The following SOST variants were observed in gnomAD, a reference collection of about 807,000 sequenced individuals.
The protein encoded by SOST is sclerostin, also known as sclerosteosis.
In SOST, 14 loss-of-function variants were observed where a neutral mutation model predicts 16.7. That is an observed-to-expected ratio of 0.84 (90% CI 0.55 to 1.31). The LOEUF (loss-of-function observed/expected upper bound fraction) is 1.31. Among genes scored for constraint, SOST ranks in the 50% most tolerant of loss-of-function variants. The pLI, the probability that SOST is intolerant of heterozygous loss-of-function variation, is 0.00. For missense variants in SOST, 291 were observed against 310.7 expected, an observed-to-expected ratio of 0.94 and a Z score of 0.48; for synonymous variants, 150 against 140.9, an observed-to-expected ratio of 1.06 and a Z score of -0.46.
intron 1 of SOST, among the ~76,000 whole-genome samples, chr17:43,757,723 C>T (rs1446610285): frequency 6.6e-6 from 1 of 152,118 alleles, no homozygotes; most frequent in African/African-American, 2.4e-5. Flanking sequence ...GGACAGATGT[C>T]CCTACTCCTG....
Position 43,755,922 on chromosome 17 carries a change from C to T in SOST, c.221-159G>A, listed in dbSNP as rs1022850770. On this transcript the variant is annotated intron_variant, in intron 1 of 1. Transcript: ENST00000301691. The surrounding 1 kb of genome is among the most constrained non-coding windows in gnomAD (Gnocchi z 4.3). ...CAGGAAGGTCCCAGATGCTCTAGAG[C>T]TGGTGGAAAGCTCTCCTGCGCACCC... Among the ~76,000 whole-genome samples the T allele has an allele frequency of 1.8e-4, 28 of 152,322 alleles. No homozygotes were observed. Among genetic ancestry groups the T allele is most frequent in the African/African-American group, 5.8e-4 (24 of 41,576 alleles).
Position 43,755,885 on chromosome 17 carries a change from G to T in SOST, c.221-122C>A. On this transcript the variant is annotated intron_variant, in intron 1 of 1. Transcript: ENST00000301691. The surrounding 1 kb of genome is among the most constrained non-coding windows in gnomAD (Gnocchi z 4.3). ...CCTGTCTCCAGAGGCTTTTGCCCCT[G>T]AACATCTATTGCAGGAAGGTCCCAG... is the stretch of plus-strand genomic sequence containing the variant. The T allele has an allele frequency of 8.6e-7, 1 of 1,162,510 alleles. No individual in the cohort carries two copies. Among genetic ancestry groups the T allele is most frequent in the Non-Finnish European group, 1.2e-6 (1 of 834,974 alleles). The allele number at this position is 1,162,510 out of a possible 1,614,324, so 72.0% of individuals were successfully genotyped here.
In SOST at chr17:43,758,750, C is replaced by T. The variant is rs566032455; in HGVS notation, c.-9G>A. ...GCCAGTGGGAGCTGCATGGTACCAGCCAGAGGAGGGCACGCCACCTTCCAG... is the reference window on the plus strand; with the variant it reads ...GCCAGTGGGAGCTGCATGGTACCAGTCAGAGGAGGGCACGCCACCTTCCAG... On this transcript the variant is annotated 5_prime_UTR_variant, in exon 1 of 2. Transcript: ENST00000301691. 2.5e-6 allele frequency: 4 copies of T among 1,610,852 alleles called. No individual in the cohort carries two copies. Among genetic ancestry groups the T allele is most frequent in the African/African-American group, 2.7e-5 (2 of 74,984 alleles).
Position 43,758,717 on chromosome 17 carries a change from G to A in SOST, c.25C>T (p.Leu9Phe), listed in dbSNP as rs769369803. The A allele has an allele frequency of 4.7e-5, 76 of 1,613,584 alleles. No homozygotes were observed. The highest frequency in any genetic ancestry group is 5.9e-5 in the Non-Finnish European group (70 of 1,180,052). ...GCTGTGTGTACCAGCAGGCAGACGA[G>A]ACACAGGGCCAGTGGGAGCTGCATG... MQLPLALC[L>F]VCLLVHTAFR... Residue 9 changes from leucine (L) to phenylalanine (F), a missense_variant, in exon 1 of 2, where the codon CTC (leucine) becomes TTC (phenylalanine). Coordinates refer to ENST00000301691, the MANE Select transcript of SOST (RefSeq NM_025237.3).
rs1206790926 is a variant in SOST at position 43,754,676 on chromosome 17, ATTCTCTCTCT to A, written c.*656_*665del. 1 of 151,920 alleles carries A rather than the reference ATTCTCTCTCT, an allele frequency of 6.6e-6. No homozygotes were observed. The highest frequency in any genetic ancestry group is 1.5e-5 in the Non-Finnish European group (1 of 67,982). The allele number at this position is 151,920 out of a possible 1,614,324, so 9.4% of individuals were successfully genotyped here. ...GCACTGAATCAATGCAACTGCATTC[ATTCTCTCTCT>A]TTCTCTCTCTCTCTCTCACCTCTGC... is the stretch of plus-strand genomic sequence containing the variant. On this transcript the variant is annotated 3_prime_UTR_variant, in exon 2 of 2. Transcript: ENST00000301691.
chr17:43,758,599 G>T lies in SOST; in HGVS notation c.143C>A (p.Pro48Gln), dbSNP rs779039644. 3 of 1,614,188 alleles carry T rather than the reference G, an allele frequency of 1.9e-6. No individual in the cohort carries two copies. The highest frequency in any genetic ancestry group is 2.5e-6 in the Non-Finnish European group (3 of 1,180,032). ...CATGGTCTTGTTGTTCTCCAGCTCC[G>T]GTGGAGGCTCGGGGTACTCTCCGAG... ...PELGEYPEPPPELENNKTMNR... is the reference protein window; with the variant it reads ...PELGEYPEPPQELENNKTMNR... Residue 48 changes from proline (P) to glutamine (Q), a missense_variant, in exon 1 of 2, where the codon CCG becomes CAG. Physicochemically the swap from Pro to Gln is moderately conservative, Grantham distance 76. Transcript: ENST00000301691.
At position 43,758,646 on chromosome 17, in the gene SOST, A is replaced by C. The variant is rs1249296225; in HGVS notation, c.96T>G (p.Asp32Glu). ...CGAGCTCGGGGATGATTTCCGTGGCATCATTCTTGAACGCCTGCCACCCCT... is the reference window on the plus strand; with the variant it reads ...CGAGCTCGGGGATGATTTCCGTGGCCTCATTCTTGAACGCCTGCCACCCCT... ...EGQGWQAFKN[D>E]ATEIIPELGE... The change falls in exon 1 of 2, where the codon GAT becomes GAG. Residue 32 changes from aspartate (D) to glutamate (E), a missense_variant. By Grantham distance (45) the Asp-to-Glu change is conservative. Coordinates refer to ENST00000301691, the MANE Select transcript of SOST (RefSeq NM_025237.3). 1 of 1,614,040 alleles carries C rather than the reference A, an allele frequency of 6.2e-7. No individual in the cohort carries two copies. The highest frequency in any genetic ancestry group is 1.3e-5 in the African/African-American group (1 of 74,910).
intron 1 of SOST, among the ~76,000 whole-genome samples, chr17:43,756,613 T>C (rs1210834412): frequency 6.6e-6 from 1 of 152,090 alleles, no homozygotes; most frequent in African/African-American, 2.4e-5. Flanking sequence ...GGCTGGGGGA[T>C]GGAGCTGAGG....
chr17:43,753,849 ATAACT>A lies in SOST; in HGVS notation c.*1488_*1492del, dbSNP rs574598851. On this transcript the variant is annotated 3_prime_UTR_variant, in exon 2 of 2. Coordinates refer to ENST00000301691, the MANE Select transcript of SOST (RefSeq NM_025237.3). ...CTCTACAAGAAAAACTTTTGCATAA[ATAACT>A]TAAGTGAGAAAATAAATATGTAACT... 6.5e-5 allele frequency: 10 copies of A among 152,804 alleles called. No individual in the cohort carries two copies. The South Asian group carries it at 1.2e-3, about 19-fold the overall frequency. 9.5% of individuals were successfully genotyped at this position (152,804 alleles called of 1,614,324 possible). A position where few individuals can be genotyped will look rare whatever the true frequency, so the allele number is the denominator to read the frequency against.
rs1423779990 is a variant in SOST, at chr17:43,753,984, T to C, written c.*1358A>G. ...CAGGCTTTCATATGTCATGTGCTTC[T>C]GTTTAAAACTTTTTTTTTTTAACAA... is the stretch of plus-strand genomic sequence containing the variant. On this transcript the variant is annotated 3_prime_UTR_variant, in exon 2 of 2. Coordinates refer to ENST00000301691, the MANE Select transcript of SOST (RefSeq NM_025237.3). The C allele has an allele frequency of 6.6e-6, 1 of 151,192 alleles. No homozygotes were observed. The highest frequency in any genetic ancestry group is 1.5e-5 in the Non-Finnish European group (1 of 68,042). The allele number at this position is 151,192 out of a possible 1,614,324, so 9.4% of individuals were successfully genotyped here.
chr17:43,755,833 C>T lies in SOST; in HGVS notation c.221-70G>A, dbSNP rs1214055102. ...CCCTGCCCTGGACCGGCCCGTCTCT[C>T]TCCACCCCAGCCCTGCTTTTGCCAA... On this transcript the variant is annotated intron_variant, in intron 1 of 1. Coordinates refer to ENST00000301691, the MANE Select transcript of SOST (RefSeq NM_025237.3). This position sits in a 1 kb window ranked among gnomAD's most constrained non-coding sequence, Gnocchi z 4.3. The T allele has an allele frequency of 1.0e-5, 15 of 1,503,308 alleles. No individual in the cohort carries two copies. The highest frequency in any genetic ancestry group is 1.2e-5 in the Non-Finnish European group (14 of 1,124,792). The allele number at this position is 1,503,308 out of a possible 1,614,324, so 93.1% of individuals were successfully genotyped here. A position where few individuals can be genotyped will look rare whatever the true frequency, so the allele number is the denominator to read the frequency against.
In SOST at chr17:43,754,491, G is replaced by A. The variant is rs1333930170; in HGVS notation, c.*851C>T. ...GAGGGGTGGAGGTAGCCAAACATCC[G>A]GGGAAGCCAGGCTGGGAAGCAGCAT... On this transcript the variant is annotated 3_prime_UTR_variant, in exon 2 of 2. Coordinates refer to ENST00000301691, the MANE Select transcript of SOST (RefSeq NM_025237.3). 1.3e-5 allele frequency: 2 copies of A among 151,992 alleles called. No individual in the cohort carries two copies. The highest frequency in any genetic ancestry group is 2.9e-5 in the Non-Finnish European group (2 of 68,032). 9.4% of individuals were successfully genotyped at this position (151,992 alleles called of 1,614,324 possible).
rs1428033627 is a variant in SOST at position 43,758,602 on chromosome 17, G to T, written c.140C>A (p.Pro47Gln). Residue 47 changes from proline (P) to glutamine (Q), a missense_variant, in exon 1 of 2, where the codon CCA becomes CAA. Pro to Gln is a moderately conservative substitution (Grantham distance 76, BLOSUM62 -1). Transcript: ENST00000301691. ...GGTCTTGTTGTTCTCCAGCTCCGGT[G>T]GAGGCTCGGGGTACTCTCCGAGCTC... ...IPELGEYPEP[P>Q]PELENNKTMN... 1 of 1,614,044 alleles carries T rather than the reference G, an allele frequency of 6.2e-7. No individual in the cohort carries two copies. The highest frequency in any genetic ancestry group is 8.5e-7 in the Non-Finnish European group (1 of 1,180,052).
At chr17:43,757,460 C>T (rs1003061696) in intron 1 of SOST, among the ~76,000 whole-genome samples, 5 of 152,096 alleles carry the variant, frequency 3.3e-5, no homozygotes, top group South Asian at 2.1e-4. Flanking sequence ...GGTTGTGAGG[C>T]GGGGAGGGCT....
Position 43,755,530 on chromosome 17 carries a change from C to T in SOST, c.454G>A (p.Glu152Lys). ...CGCACCTTGCGCGCGCGCGGCGCCTCACCACCGGGACACAGCAGCTGCACG... is the reference window on the plus strand; with the variant it reads ...CGCACCTTGCGCGCGCGCGGCGCCTTACCACCGGGACACAGCAGCTGCACG... Reference protein sequence around the residue: ...QRVQLLCPGGEAPRARKVRLV... With the variant: ...QRVQLLCPGGKAPRARKVRLV... Residue 152 changes from glutamate to lysine, a missense_variant, in exon 2 of 2, where the codon GAG (glutamate) becomes AAG (lysine). Glu to Lys is a moderately conservative substitution (Grantham distance 56). Coordinates refer to ENST00000301691, the MANE Select transcript of SOST (RefSeq NM_025237.3). This position sits in a 1 kb window ranked among gnomAD's most constrained non-coding sequence, Gnocchi z 4.3. The T allele has an allele frequency of 1.3e-6, 2 of 1,596,918 alleles. No homozygotes were observed. Among genetic ancestry groups the T allele is most frequent in the Non-Finnish European group, 1.7e-6 (2 of 1,177,934 alleles).
intron 1 of SOST, 85 bp downstream of exon 1, chr17:43,758,436 TA>T (rs1974154230): frequency 4.7e-6 from 5 of 1,069,232 alleles, no homozygotes. Flanking sequence ...TCACTGGGTC[TA>T]CCCCAGTCTT....
In SOST at chr17:43,755,892, T is replaced by A; in HGVS notation, c.221-129A>T. ...CCAGAGGCTTTTGCCCCTGAACATC[T>A]ATTGCAGGAAGGTCCCAGATGCTCT... On this transcript the variant is annotated intron_variant, in intron 1 of 1. Coordinates refer to ENST00000301691, the MANE Select transcript of SOST (RefSeq NM_025237.3). This position sits in a 1 kb window ranked among gnomAD's most constrained non-coding sequence, Gnocchi z 4.3. The A allele has an allele frequency of 1.8e-6, 2 of 1,093,322 alleles. No homozygotes were observed. The highest frequency in any genetic ancestry group is 2.6e-6 in the Non-Finnish European group (2 of 775,364). 67.7% of individuals were successfully genotyped at this position (1,093,322 alleles called of 1,614,324 possible).
At chr17:43,756,448 C>G (rs984930374) in intron 1 of SOST, among the ~76,000 whole-genome samples, 3 of 152,142 alleles carry the variant, frequency 2.0e-5, no homozygotes, top group African/African-American at 7.2e-5. Context: ...GTGTCCAACC[C>G]CCTCATTATC....
rs1974154085 is a variant in SOST, at chr17:43,758,421, A to T, written c.220+101T>A. 4 of 945,814 alleles carry T rather than the reference A, an allele frequency of 4.2e-6. No homozygotes were observed. The East Asian group carries it at 1.1e-4, about 25-fold the overall frequency. The allele number at this position is 945,814 out of a possible 1,614,324, so 58.6% of individuals were successfully genotyped here. A position where few individuals can be genotyped will look rare whatever the true frequency, so the allele number is the denominator to read the frequency against. On this transcript the variant is annotated intron_variant, in intron 1 of 1. Coordinates refer to ENST00000301691, the MANE Select transcript of SOST (RefSeq NM_025237.3). Reference sequence around the variant, plus strand: ...TCGACCAGTGCTGGCAGAGGCCAGCAATCTTCACTGGGTCTACCCCAGTCT... The same window carrying T: ...TCGACCAGTGCTGGCAGAGGCCAGCTATCTTCACTGGGTCTACCCCAGTCT...
Sources: gnomAD v4.1 joint callset for allele counts (sites outside exome capture counted in the v4.1 genomes callset) on GRCh38, gnomAD v4.1.1 for gene constraint, Gnocchi (gnomAD v3.1) non-coding constraint, MANE v1.5 for transcripts, NCBI Gene and HGNC (gene_info 2026-07-23, HGNC 2026-07-21) for gene names.